The following GRIA4 variants were observed in gnomAD, a reference collection of about 807,000 sequenced individuals.
The protein encoded by GRIA4 is glutamate receptor 4.
Under a neutral mutation model 104.0 loss-of-function variants are expected in GRIA4, and 34 were observed. That is an observed-to-expected ratio of 0.33 (90% CI 0.25 to 0.44). The LOEUF is 0.44. GRIA4 is among the 20% of genes least tolerant of loss of function. GRIA4 has a pLI of 1.00. For missense variants in GRIA4, 750 were observed against 1,096.5 expected (o/e 0.68, Z 4.46); for synonymous variants, 386 against 381.9 (o/e 1.01, Z -0.13).
At chr11:105,704,474 T>C (rs1353333351) in intron 3 of GRIA4, among the ~76,000 whole-genome samples, 3 of 151,570 alleles carry the variant, frequency 2.0e-5, no homozygotes, top group East Asian at 3.9e-4. Flanking sequence ...GTCAGAGAAA[T>C]AGACATCTGG....
rs1939828103 is a variant in GRIA4 at position 105,748,829 on chromosome 11, C to A, written c.248-4152C>A. 1.3e-5 allele frequency among the ~76,000 whole-genome samples: 2 copies of A among 152,114 alleles called. 1 individual carries two copies. The highest frequency in any genetic ancestry group is 4.2e-4 in the South Asian group (2 of 4,808). ...GAAAAAGGAAGAAAACCATTGCAAC[C>A]ATTTCTCAGAAAATTCACTGAGGCG... On this transcript the variant is annotated intron_variant, in intron 3 of 16. Transcript: ENST00000282499.
chr11:105,779,833 T>A (rs947900647), intron 4 of GRIA4, among the ~76,000 whole-genome samples: 3 of 152,050 alleles, frequency 2.0e-5, no homozygotes, highest in Non-Finnish European at 1.5e-5. Flanking sequence ...GTAAGCTAAC[T>A]ATAGAAGAAT....
At chr11:105,958,164 G>A (rs922122961) in intron 14 of GRIA4, among the ~76,000 whole-genome samples, 5 of 152,188 alleles carry the variant, frequency 3.3e-5, no homozygotes, top group African/African-American at 7.2e-5. Flanking sequence ...TAGGAGTGGT[G>A]AGAGAGGGCA....
chr11:105,807,939 G>A (rs1943018668), intron 4 of GRIA4, among the ~76,000 whole-genome samples: 1 of 151,432 alleles, frequency 6.6e-6, no homozygotes, highest in South Asian at 2.1e-4. Context: ...ACCTTTTACT[G>A]TTTTCAATGT....
intron 3 of GRIA4, among the ~76,000 whole-genome samples, chr11:105,715,103 G>C (rs1184536090): frequency 2.0e-5 from 3 of 152,186 alleles, no homozygotes; most frequent in African/African-American, 7.2e-5. Context: ...TCTAAAAGTG[G>C]ACTTTCAAAT....
At chr11:105,688,152 ATATCTCTATCTATC>A (rs1952953544) in intron 3 of GRIA4, among the ~76,000 whole-genome samples, 4 of 70,656 alleles carry the variant, frequency 5.7e-5, no homozygotes, top group South Asian at 5.2e-4. Flanking sequence ...ATCTATATCT[ATATCTCTATCTATC>A]TATCTATCTA....
chr11:105,654,316 T>C (rs1951778609), intron 3 of GRIA4, among the ~76,000 whole-genome samples: 1 of 151,714 alleles, frequency 6.6e-6, no homozygotes, highest in Non-Finnish European at 1.5e-5. Context: ...TTAATGACGA[T>C]GTATTGTATT....
At chr11:105,679,823 G>A (rs12365954) in intron 3 of GRIA4, among the ~76,000 whole-genome samples, 1 of 152,104 alleles carries the variant, frequency 6.6e-6, no homozygotes, top group Non-Finnish European at 1.5e-5. Context: ...TTTGAGCTCA[G>A]CAAGATCCTC....
At chr11:105,625,954 CTA>C (rs1437093336) in intron 3 of GRIA4, among the ~76,000 whole-genome samples, 1 of 152,054 alleles carries the variant, frequency 6.6e-6, no homozygotes, top group Non-Finnish European at 1.5e-5. Flanking sequence ...TAGCTATAAA[CTA>C]TTTTTAAATT....
intron 11 of GRIA4, among the ~76,000 whole-genome samples, chr11:105,921,347 G>GTGTGTT (rs906070082): frequency 1.3e-5 from 2 of 150,062 alleles, no homozygotes; most frequent in African/African-American, 2.4e-5. Context: ...GTGTGTGTGT[G>GTGTGTT]TGTTTTAGTC....
intron 5 of GRIA4, among the ~76,000 whole-genome samples, chr11:105,863,959 AT>A (rs1202907308): frequency 1.3e-5 from 2 of 152,126 alleles, no homozygotes; most frequent in African/African-American, 2.4e-5. Context: ...CATCTTATAT[AT>A]TTTTTGTCAT....
intron 3 of GRIA4, among the ~76,000 whole-genome samples, chr11:105,702,044 C>T (rs1471810466): frequency 5.9e-5 from 9 of 152,050 alleles, no homozygotes. Context: ...AAGTGATCCT[C>T]CTGCCGCAGC....
At chr11:105,967,670 T>A (rs970283954) in intron 14 of GRIA4, among the ~76,000 whole-genome samples, 2 of 149,296 alleles carry the variant, frequency 1.3e-5, no homozygotes, top group Admixed American at 1.4e-4. Context: ...TACATTATGT[T>A]TTATTTTTTC....
chr11:105,937,574 A>G (rs1249581901), intron 14 of GRIA4, among the ~76,000 whole-genome samples: 2 of 152,158 alleles, frequency 1.3e-5, no homozygotes, highest in African/African-American at 4.8e-5. Context: ...CAAAGCAGTG[A>G]GTCATATCTG....
At chr11:105,632,737 C>G (rs1951066880) in intron 3 of GRIA4, among the ~76,000 whole-genome samples, 1 of 152,040 alleles carries the variant, frequency 6.6e-6, no homozygotes, top group African/African-American at 2.4e-5. Context: ...AGTTCAAGAC[C>G]AGTCTGGGCA....
intron 4 of GRIA4, among the ~76,000 whole-genome samples, chr11:105,772,217 G>C (rs1941240119): frequency 6.6e-6 from 1 of 152,080 alleles, no homozygotes; most frequent in Non-Finnish European, 1.5e-5. Flanking sequence ...ATCATGTTTA[G>C]TGAATACCAT....
chr11:105,856,544 T>C (rs752860411), intron 4 of GRIA4, among the ~76,000 whole-genome samples: 1 of 152,110 alleles, frequency 6.6e-6, no homozygotes, highest in Non-Finnish European at 1.5e-5. Flanking sequence ...TTATAACCCA[T>C]TGCCCACAAC....
At chr11:105,816,990 A>C (rs1943402071) in intron 4 of GRIA4, among the ~76,000 whole-genome samples, 1 of 1,650 alleles carries the variant, frequency 6.1e-4, no homozygotes, top group Non-Finnish European at 1.2e-3. Context: ...ACTGAATTCC[A>C]GCCTGGGTAA....
At chr11:105,769,042 A>T (rs1941086631) in intron 4 of GRIA4, among the ~76,000 whole-genome samples, 1 of 152,126 alleles carries the variant, frequency 6.6e-6, no homozygotes, top group African/African-American at 2.4e-5. Context: ...ACATTCATGG[A>T]AAGTAGTCCA....
Sources: gnomAD v4.1 joint callset for allele counts (sites outside exome capture counted in the v4.1 genomes callset) on GRCh38, gnomAD v4.1.1 for gene constraint, MANE v1.5 for transcripts, NCBI Gene and HGNC (gene_info 2026-07-23, HGNC 2026-07-21) for gene names.